The following CENPI variants were observed in gnomAD, a reference collection of about 807,000 sequenced individuals.
CENPI encodes FSH primary response 1.
A neutral mutation model predicts 60.4 loss-of-function variants in CENPI; 4 were observed. That is an observed-to-expected ratio of 0.07 (90% CI 0.03 to 0.15). The LOEUF is 0.15. Ranked by LOEUF, CENPI falls within the 10% of genes least tolerant of loss-of-function variation. The pLI is 1.00. For synonymous variants in CENPI, 157 were observed against 189.4 expected, an observed-to-expected ratio of 0.83 and a Z score of 1.40; for missense variants, 444 against 534.5, an observed-to-expected ratio of 0.83 and a Z score of 1.67.
At chrX:101,125,957 A>T (rs759898759) in intron 8 of CENPI, among the ~76,000 whole-genome samples, 2 of 112,096 alleles carry the variant, frequency 1.8e-5, no homozygotes, top group East Asian at 2.8e-4. Context: ...AGGTTAGGAG[A>T]TATTTTCAAC....
chrX:101,104,233 C>G (rs2089457520), intron 4 of CENPI, among the ~76,000 whole-genome samples: 1 of 112,685 alleles, frequency 8.9e-6, no homozygotes, highest in Admixed American at 9.4e-5. Flanking sequence ...CTTGGCCTCC[C>G]TAAGTGCTAG....
chrX:101,169,754 G>A (rs902276541), downstream of CENPI, among the ~76,000 whole-genome samples: 1 of 111,644 alleles, frequency 9.0e-6, no homozygotes, highest in Non-Finnish European at 1.9e-5. Flanking sequence ...AGACCTTCCA[G>A]TAGAAAGAGA....
At chrX:101,146,581 G>A (rs762481052) in intron 18 of CENPI, among the ~76,000 whole-genome samples, 8 of 111,896 alleles carry the variant, frequency 7.1e-5, no homozygotes, top group African/African-American at 2.6e-4. Flanking sequence ...TAGTCATTTG[G>A]TGATAATTGC....
intron 4 of CENPI, among the ~76,000 whole-genome samples, chrX:101,106,800 G>T (rs1293517817): frequency 9.0e-6 from 1 of 111,138 alleles, no homozygotes; most frequent in East Asian, 2.8e-4. Context: ...AGTGGCTCAT[G>T]CCTGTAATCC....
the CENPI span, among the ~76,000 whole-genome samples, chrX:101,178,398 C>CTTCTTTTTTTTTTTTTTTTTTTTTTTTT: frequency 4.3e-4 from 17 of 39,983 alleles, 3 homozygotes; most frequent in Non-Finnish European, 7.6e-4. Flanking sequence ...TTTTCTTCTT[C>CTTCTTTTTTTTTTTTTTTTTTTTTTTTT]TTTTTTTTTT....
intron 7 of CENPI, 60 bp from the exon 8 acceptor site, chrX:101,120,678 A>G: frequency 9.6e-7 from 1 of 1,045,168 alleles, no homozygotes; most frequent in Admixed American, 2.2e-5. Context: ...GTTAAATATA[A>G]CCAATTTCTT....
intron 4 of CENPI, among the ~76,000 whole-genome samples, chrX:101,108,577 C>G (rs1359319499): frequency 9.0e-6 from 1 of 111,247 alleles, no homozygotes. Flanking sequence ...TTTTCATCAC[C>G]CCAAGAAGAA....
intron 4 of CENPI, among the ~76,000 whole-genome samples, chrX:101,107,301 T>C (rs1440279250): frequency 3.6e-5 from 4 of 110,804 alleles, no homozygotes; most frequent in African/African-American, 1.3e-4. Flanking sequence ...GAAATTTCCC[T>C]GTGATTGAAA....
intron 19 of CENPI, 41 bp from the exon 20 acceptor site, chrX:101,147,902 G>A (rs1305586230): frequency 8.6e-7 from 1 of 1,167,506 alleles, no homozygotes; most frequent in Admixed American, 2.2e-5. Flanking sequence ...AGGAAAGGGA[G>A]AATAGGTGAT....
At chrX:101,139,435 C>T (rs1052142062) in intron 15 of CENPI, among the ~76,000 whole-genome samples, 2 of 110,688 alleles carry the variant, frequency 1.8e-5, no homozygotes, top group African/African-American at 6.6e-5. Context: ...ATATACCTAC[C>T]GTGTACCCAC....
intron 6 of CENPI, among the ~76,000 whole-genome samples, chrX:101,113,254 A>T: frequency 1.0e-5 from 1 of 97,721 alleles, no homozygotes; most frequent in African/African-American, 3.8e-5. Flanking sequence ...GTCTGGTTTT[A>T]GTTTTACCTT....
intron 17 of CENPI, among the ~76,000 whole-genome samples, chrX:101,145,950 T>C (rs766019284): frequency 1.8e-5 from 2 of 110,361 alleles, no homozygotes; most frequent in Admixed American, 9.8e-5. Context: ...AGTAATGGCC[T>C]TCTGGAAATA....
Position 101,140,534 on chromosome X carries a change from G to C in CENPI, c.1471-132G>C, listed in dbSNP as rs897404785. 8.2e-6 allele frequency: 4 copies of C among 486,107 alleles called. No homozygotes were observed. In the African/African-American group the frequency reaches 9.5e-5, roughly 12 times the overall value. The allele number at this position is 486,107 out of a possible 1,213,427, so 40.1% of individuals were successfully genotyped here. On this transcript the variant is annotated intron_variant, in intron 15 of 21. Coordinates refer to ENST00000682095, the MANE Select transcript of CENPI (RefSeq NM_001386188.2). ...TCTTCTGGAGACTAATCATGGTGTA[G>C]AAGCAGCTGTTGGGTTCAAAATTTG...
At chrX:101,125,532 G>C (rs922776253) in intron 8 of CENPI, among the ~76,000 whole-genome samples, 1 of 111,134 alleles carries the variant, frequency 9.0e-6, no homozygotes, top group African/African-American at 3.3e-5. Context: ...GAGTAGCTGG[G>C]ACTACAGGTG....
chrX:101,126,888 C>A, intron 9 of CENPI, 90 bp downstream of exon 9: 1 of 874,210 alleles, frequency 1.1e-6, no homozygotes, highest in Non-Finnish European at 1.7e-6. Flanking sequence ...AAAATGTTTA[C>A]AGCCTACTGT....
intron 3 of CENPI, among the ~76,000 whole-genome samples, chrX:101,101,949 T>C (rs1346098186): frequency 8.9e-6 from 1 of 112,330 alleles, no homozygotes; most frequent in Admixed American, 9.5e-5. Flanking sequence ...GGCATGATCA[T>C]TGTACGTTTA....
At position 101,164,937 on chromosome X, in the gene CENPI, T is replaced by C. The variant is rs1247750198; in HGVS notation, c.*1970T>C. ...GTTTGGGAAAGCCTGTTTGAAGAGA[T>C]GACATATGCAGAGGCCCCAGTGAAG... On this transcript the variant is annotated 3_prime_UTR_variant, in exon 22 of 22. Coordinates refer to ENST00000682095, the MANE Select transcript of CENPI (RefSeq NM_001386188.2). Among the ~76,000 whole-genome samples, 1 of 111,961 alleles carries C rather than the reference T, an allele frequency of 8.9e-6. No homozygotes were observed. Among genetic ancestry groups the C allele is most frequent in the African/African-American group, 3.2e-5 (1 of 30,888 alleles).
At chrX:101,149,025 A>G (rs1270026074) in intron 20 of CENPI, among the ~76,000 whole-genome samples, 1 of 111,545 alleles carries the variant, frequency 9.0e-6, no homozygotes, top group East Asian at 2.8e-4. Context: ...GTGATGTAAT[A>G]GGGGAAAGTA....
chrX:101,120,834 C>A, intron 8 of CENPI, 50 bp downstream of exon 8: 3 of 948,017 alleles, frequency 3.2e-6, no homozygotes, highest in Non-Finnish European at 4.5e-6. Flanking sequence ...GTGCCAGGTA[C>A]TGAGCCAGGC....
Sources: gnomAD v4.1 joint callset for allele counts (sites outside exome capture counted in the v4.1 genomes callset) on GRCh38, gnomAD v4.1.1 for gene constraint, MANE v1.5 for transcripts, NCBI Gene and HGNC (gene_info 2026-07-23, HGNC 2026-07-21) for gene names.